MGAT4A: variants seen among roughly 807,000 people sequenced by gnomAD.
The protein encoded by MGAT4A is alpha-1,3-mannosyl-glycoprotein 4-beta-N-acetylglucosaminyltransferase A.
In MGAT4A, 33 loss-of-function variants were observed where a neutral mutation model predicts 74.1. The observed-to-expected ratio is 0.45, with a 90% CI of 0.34 to 0.60. The LOEUF (loss-of-function observed/expected upper bound fraction) is 0.60. MGAT4A is among the 20% of genes least tolerant of loss of function. The probability of loss-of-function intolerance (pLI) is 0.02; values close to 1 mark genes in which losing one functional copy is unlikely to be tolerated. For synonymous variants in MGAT4A, 198 were observed against 210.4 expected (o/e 0.94, Z 0.51); for missense variants, 479 against 628.3 (o/e 0.76, Z 2.54).
chr2:98,637,937 G>A (rs960909040), intron 12 of MGAT4A, among the ~76,000 whole-genome samples: 1 of 152,162 alleles, frequency 6.6e-6, no homozygotes, highest in East Asian at 1.9e-4. Flanking sequence ...GGTTACGTGG[G>A]AATTCTTGGG....
At chr2:98,727,138 G>A (rs1011347860) in intron 1 of MGAT4A, among the ~76,000 whole-genome samples, 1 of 152,094 alleles carries the variant, frequency 6.6e-6, no homozygotes, top group African/African-American at 2.4e-5. Flanking sequence ...TTATTAAAAG[G>A]TTACAGTTAT....
rs1559162729 is a variant in MGAT4A at position 98,663,061 on chromosome 2, T to C, written c.522A>G (p.Val174=). The C allele has an allele frequency of 1.9e-6, 3 of 1,550,318 alleles. No homozygotes were observed. The highest frequency in any genetic ancestry group is 1.9e-5 in the Admixed American group (1 of 53,802). ...AAATAATTACCTCTCCTATGAAGAC[T>C]ACTATAACACAGTCCAACTTCTCTT... ...YPEEKLDCVI[V]VFIGETDIDY... Residue 174 remains valine, a synonymous_variant, in exon 5 of 16, where the codon GTA becomes GTG. Coordinates refer to ENST00000393487, the MANE Select transcript of MGAT4A (RefSeq NM_012214.3).
intron 2 of MGAT4A, among the ~76,000 whole-genome samples, chr2:98,709,619 A>G (rs1421802401): frequency 1.3e-5 from 2 of 152,224 alleles, no homozygotes; most frequent in Non-Finnish European, 2.9e-5. Context: ...CATCCAGTTC[A>G]GGAGTATGAG....
intron 2 of MGAT4A, among the ~76,000 whole-genome samples, chr2:98,696,835 T>C (rs898167779): frequency 3.3e-5 from 5 of 152,242 alleles, no homozygotes; most frequent in South Asian, 4.1e-4. Context: ...TTGTAACAAC[T>C]GCATACCCAT....
At chr2:98,693,406 C>T (rs1380845329) in intron 2 of MGAT4A, among the ~76,000 whole-genome samples, 1 of 152,118 alleles carries the variant, frequency 6.6e-6, no homozygotes, top group Non-Finnish European at 1.5e-5. Flanking sequence ...AGGAGACATT[C>T]CTTTTCTCGA....
chr2:98,682,177 C>T (rs12328659), intron 2 of MGAT4A, among the ~76,000 whole-genome samples: 8,518 of 152,020 alleles, frequency 0.056, 543 homozygotes, highest in African/African-American at 0.15. Flanking sequence ...AATCCCAGCA[C>T]TTTGGGAGGC....
At chr2:98,721,663 A>G (rs1326312224) in intron 2 of MGAT4A, among the ~76,000 whole-genome samples, 3 of 152,214 alleles carry the variant, frequency 2.0e-5, no homozygotes, top group Non-Finnish European at 4.4e-5. Context: ...AGACCTACAT[A>G]GGAGCAACAC....
chr2:98,658,350 TAA>T (rs568134492), intron 5 of MGAT4A, 86 bp from the exon 6 acceptor site: 1 of 737,884 alleles, frequency 1.4e-6, no homozygotes, highest in Non-Finnish European at 2.2e-6. Flanking sequence ...AAATGAATGA[TAA>T]AAACATTCAT....
intron 10 of MGAT4A, 95 bp downstream of exon 10, chr2:98,643,828 T>C: frequency 2.4e-6 from 3 of 1,231,964 alleles, no homozygotes; most frequent in Non-Finnish European, 3.2e-6. Context: ...TTATATCACC[T>C]ACCTATTTAA....
chr2:98,642,845 T>A (rs552897831), intron 10 of MGAT4A, among the ~76,000 whole-genome samples: 28 of 152,286 alleles, frequency 1.8e-4, no homozygotes, highest in East Asian at 7.7e-4. Flanking sequence ...TGGGGTTTTT[T>A]AAAATTTTTG....
At chr2:98,678,212 AGAGT>A (rs1440029037) in intron 3 of MGAT4A, 88 bp downstream of exon 3, 1 of 263,970 alleles carries the variant, frequency 3.8e-6, no homozygotes, top group Admixed American at 6.3e-5. Flanking sequence ...CCTGGGCTAC[AGAGT>A]GAGACTCTGT....
intron 4 of MGAT4A, among the ~76,000 whole-genome samples, chr2:98,667,587 T>G (rs887109141): frequency 2.0e-5 from 3 of 152,188 alleles, no homozygotes; most frequent in African/African-American, 7.2e-5. Flanking sequence ...CCCTAGAGAT[T>G]TGTGGAACTT....
intron 2 of MGAT4A, among the ~76,000 whole-genome samples, chr2:98,705,691 C>T (rs1334898772): frequency 1.3e-5 from 2 of 152,122 alleles, no homozygotes; most frequent in Non-Finnish European, 2.9e-5. Context: ...CGCCTGTAAT[C>T]CCAGCACTTT....
intron 2 of MGAT4A, among the ~76,000 whole-genome samples, chr2:98,690,237 GTCA>G (rs1702177213): frequency 1.3e-5 from 2 of 152,216 alleles, no homozygotes; most frequent in Admixed American, 1.3e-4. Flanking sequence ...TGTGGATGGG[GTCA>G]GGAAAGACTG....
At chr2:98,672,347 G>A (rs572297481) in intron 4 of MGAT4A, among the ~76,000 whole-genome samples, 1 of 152,294 alleles carries the variant, frequency 6.6e-6, no homozygotes, top group African/African-American at 2.4e-5. Context: ...ACAAGACTCG[G>A]AACCACATCT....
intron 2 of MGAT4A, among the ~76,000 whole-genome samples, chr2:98,698,135 G>A (rs1384283282): frequency 6.6e-6 from 1 of 152,198 alleles, no homozygotes; most frequent in Non-Finnish European, 1.5e-5. Context: ...CTGGCTGGGT[G>A]TGGTGGCTCA....
At chr2:98,643,224 A>G (rs540279706) in intron 10 of MGAT4A, among the ~76,000 whole-genome samples, 1 of 152,290 alleles carries the variant, frequency 6.6e-6, no homozygotes, top group Non-Finnish European at 1.5e-5. Flanking sequence ...GGGTCTTGAT[A>G]TGTTGCCCAG....
chr2:98,638,893 A>C (rs986089113), intron 12 of MGAT4A, among the ~76,000 whole-genome samples: 1 of 152,258 alleles, frequency 6.6e-6, no homozygotes, highest in Non-Finnish European at 1.5e-5. Context: ...ATAAAAGGAA[A>C]CACCACAGAG....
intron 2 of MGAT4A, among the ~76,000 whole-genome samples, chr2:98,709,679 G>A (rs925386987): frequency 6.6e-6 from 1 of 152,130 alleles, no homozygotes; most frequent in African/African-American, 2.4e-5. Context: ...CACAGGATTT[G>A]TGAAGAATGT....
Sources: gnomAD v4.1 joint callset for allele counts (sites outside exome capture counted in the v4.1 genomes callset) on GRCh38, gnomAD v4.1.1 for gene constraint, MANE v1.5 for transcripts, NCBI Gene and HGNC (gene_info 2026-07-23, HGNC 2026-07-21) for gene names.